CNTLN: variants seen among roughly 807,000 people sequenced by gnomAD.
CNTLN encodes centlein, centrosomal protein.
In CNTLN, 212 loss-of-function variants were observed where a neutral mutation model predicts 180.0. That is an observed-to-expected ratio of 1.18 (90% CI 1.05 to 1.32). The LOEUF is 1.32. Among genes scored for constraint, CNTLN ranks in the 40% most tolerant of loss-of-function variants. CNTLN has a pLI of 0.00. For synonymous variants in CNTLN, 722 were observed against 563.1 expected, an observed-to-expected ratio of 1.28 and a Z score of -3.99; for missense variants, 2,095 against 1,610.9, an observed-to-expected ratio of 1.30 and a Z score of -5.14.
At chr9:17,306,005 T>A (rs749309495) in intron 7 of CNTLN, among the ~76,000 whole-genome samples, 1 of 152,120 alleles carries the variant, frequency 6.6e-6, no homozygotes, top group African/African-American at 2.4e-5. Flanking sequence ...GTGCAAGACA[T>A]AGAGTTTTTC....
chr9:17,184,666 A>G (rs996113747), intron 2 of CNTLN, among the ~76,000 whole-genome samples: 13 of 152,162 alleles, frequency 8.5e-5, no homozygotes, highest in South Asian at 2.1e-4. Flanking sequence ...TTAGTGTTCA[A>G]TCCAGCCACT....
intron 6 of CNTLN, among the ~76,000 whole-genome samples, chr9:17,290,461 T>C (rs1480000437): frequency 3.4e-5 from 5 of 147,314 alleles, no homozygotes; most frequent in African/African-American, 1.3e-4. Context: ...GCTGTCTTTT[T>C]GTTTGTCTGT....
intron 12 of CNTLN, among the ~76,000 whole-genome samples, chr9:17,362,814 G>A (rs540474791): frequency 1.6e-4 from 24 of 151,932 alleles, no homozygotes; most frequent in Admixed American, 1.5e-3. Flanking sequence ...AGGTATACAC[G>A]TGCCATGGTG....
At chr9:17,224,433 C>T (rs1020813513) in intron 2 of CNTLN, among the ~76,000 whole-genome samples, 3 of 152,014 alleles carry the variant, frequency 2.0e-5, no homozygotes, top group African/African-American at 7.2e-5. Context: ...CCAGCAGTTA[C>T]CTCCTGAAAT....
At chr9:17,313,032 T>G (rs1384092730) in intron 8 of CNTLN, among the ~76,000 whole-genome samples, 1 of 152,196 alleles carries the variant, frequency 6.6e-6, no homozygotes, top group African/African-American at 2.4e-5. Context: ...ATGATTGTTA[T>G]GTCTTTCTGA....
chr9:17,415,897 C>T lies in CNTLN; in HGVS notation c.2890+16C>T. On this transcript the variant is annotated intron_variant, in intron 17 of 25. Transcript: ENST00000380647. ...CCTACTAGAGGTAAGAATGTATATG[C>T]AATTAACAATATGTCTTTTACAATT... 1 of 1,585,940 alleles carries T rather than the reference C, an allele frequency of 6.3e-7. No individual in the cohort carries two copies. The highest frequency in any genetic ancestry group is 8.6e-7 in the Non-Finnish European group (1 of 1,159,282).
intron 2 of CNTLN, among the ~76,000 whole-genome samples, chr9:17,178,595 G>A (rs1420784182): frequency 1.3e-5 from 2 of 152,124 alleles, no homozygotes; most frequent in African/African-American, 2.4e-5. Flanking sequence ...CTAAGGCCCG[G>A]TGAGAAATCG....
At chr9:17,251,631 T>C (rs945645517) in intron 5 of CNTLN, among the ~76,000 whole-genome samples, 2 of 151,954 alleles carry the variant, frequency 1.3e-5, no homozygotes, top group Non-Finnish European at 2.9e-5. Flanking sequence ...ATAATCTACC[T>C]ATTTATGGGC....
rs144799763 is a variant in CNTLN at position 17,334,481 on chromosome 9, A to G, written c.1644+1751A>G. ...ATTTACTATATTTATATAATTCCTT[A>G]TAGTAAATTAGATTTATATGAGATT... On this transcript the variant is annotated intron_variant, in intron 10 of 25. Transcript: ENST00000380647. Among the ~76,000 whole-genome samples the G allele has an allele frequency of 3.0e-3, 450 of 152,268 alleles. 2 individuals carry two copies. The highest frequency in any genetic ancestry group is 0.01 in the African/African-American group (418 of 41,552).
At chr9:17,299,351 T>G in intron 7 of CNTLN, 1 of 481,486 alleles carries the variant, frequency 2.1e-6, no homozygotes, top group Non-Finnish European at 2.7e-6. Context: ...TTATTCTCAT[T>G]TAATGATAGT....
intron 21 of CNTLN, among the ~76,000 whole-genome samples, 173 bp downstream of exon 21, chr9:17,464,796 A>T (rs1256270762): frequency 6.6e-6 from 1 of 151,118 alleles, no homozygotes; most frequent in African/African-American, 2.4e-5. Context: ...TTAAAATTCA[A>T]TTCTCTAAAA....
intron 5 of CNTLN, among the ~76,000 whole-genome samples, chr9:17,249,334 G>T (rs1825989180): frequency 7.1e-6 from 1 of 141,760 alleles, no homozygotes; most frequent in African/African-American, 2.6e-5. Flanking sequence ...TGATCCATTG[G>T]TTCTTTGATT....
chr9:17,498,023 C>A (rs1833549159), intron 25 of CNTLN, among the ~76,000 whole-genome samples: 1 of 152,036 alleles, frequency 6.6e-6, no homozygotes, highest in South Asian at 2.1e-4. Context: ...ATTTTATATT[C>A]TTCACTTTCA....
intron 7 of CNTLN, among the ~76,000 whole-genome samples, chr9:17,307,231 G>T (rs1037291740): frequency 6.6e-6 from 1 of 152,072 alleles, no homozygotes; most frequent in African/African-American, 2.4e-5. Context: ...ATAAAGTGAA[G>T]TGGATTATTT....
rs1829464176 is a variant in CNTLN at position 17,292,223 on chromosome 9, CTGT to C, written c.984-5965_984-5963del. Among the ~76,000 whole-genome samples, 3 of 152,178 alleles carry C rather than the reference CTGT, an allele frequency of 2.0e-5. No individual in the cohort carries two copies. The South Asian group carries it at 6.2e-4, about 32-fold the overall frequency. On this transcript the variant is annotated intron_variant, in intron 6 of 25. Coordinates refer to ENST00000380647, the MANE Select transcript of CNTLN (RefSeq NM_017738.4). ...GTGATCTCCCCTTTCTCTCTGGCTG[CTGT>C]TAACATTTTTTTTCCCTTCATTTTG...
chr9:17,523,385 C>T, the CNTLN span, among the ~76,000 whole-genome samples: 19 of 151,970 alleles, frequency 1.3e-4, no homozygotes, highest in Non-Finnish European at 1.8e-4. Flanking sequence ...TACAGGTGTC[C>T]ACCACCACAC....
At chr9:17,380,104 G>A (rs1825110733) in intron 13 of CNTLN, among the ~76,000 whole-genome samples, 1 of 152,312 alleles carries the variant, frequency 6.6e-6, no homozygotes, top group East Asian at 1.9e-4. Context: ...AGAGGCTAAA[G>A]GGGAGAAAGT....
intron 14 of CNTLN, among the ~76,000 whole-genome samples, chr9:17,391,989 A>G (rs1444055746): frequency 1.1e-4 from 16 of 152,200 alleles, no homozygotes; most frequent in Non-Finnish European, 1.5e-4. Context: ...CCTGATTCAA[A>G]ATTCTGTTTC....
chr9:17,182,950 A>G (rs1821212566), intron 2 of CNTLN, among the ~76,000 whole-genome samples: 2 of 152,214 alleles, frequency 1.3e-5, no homozygotes, highest in African/African-American at 4.8e-5. Flanking sequence ...TGATGCAGTT[A>G]CTCACGAAAA....
Sources: allele counts gnomAD v4.1 joint callset (sites outside exome capture counted in the v4.1 genomes callset), GRCh38; gene constraint gnomAD v4.1.1; transcripts MANE v1.5; gene names NCBI Gene and HGNC (gene_info 2026-07-23, HGNC 2026-07-21).